Variants in VPS35L observed in about 807,000 individuals in gnomAD.
The protein encoded by VPS35L is VPS35 endosomal protein-sorting factor-like.
VPS35L carries 83 observed loss-of-function variants against 133.0 expected under a neutral mutation model. That is an observed-to-expected ratio of 0.62 (90% confidence interval 0.52 to 0.75). VPS35L has a LOEUF of 0.75. VPS35L is among the 30% of genes least tolerant of loss of function. The pLI is 0.00. For missense variants in VPS35L, 1,083 were observed against 1,206.8 expected (o/e 0.90, Z 1.52); for synonymous variants, 423 against 449.9 (o/e 0.94, Z 0.76).
chr16:19,571,986 T>A (rs2151508953), intron 3 of VPS35L, among the ~76,000 whole-genome samples: 1 of 152,302 alleles, frequency 6.6e-6, no homozygotes, highest in Non-Finnish European at 1.5e-5. Context: ...ATTCCTCTAC[T>A]GATGTATCCA....
chr16:19,679,614 C>G (rs1975196472), intron 27 of VPS35L, among the ~76,000 whole-genome samples: 1 of 151,712 alleles, frequency 6.6e-6, no homozygotes, highest in Admixed American at 6.6e-5. Context: ...AAGCAATTCT[C>G]CTGCCTCAGC....
At chr16:19,673,548 T>G (rs1415205787) in intron 27 of VPS35L, among the ~76,000 whole-genome samples, 1 of 149,856 alleles carries the variant, frequency 6.7e-6, no homozygotes, top group Non-Finnish European at 1.5e-5. Context: ...CAGATTTGAG[T>G]TATTTATTCC....
At chr16:19,646,261 T>C (rs1973945446) in intron 23 of VPS35L, among the ~76,000 whole-genome samples, 1 of 152,188 alleles carries the variant, frequency 6.6e-6, no homozygotes, top group African/African-American at 2.4e-5. Context: ...CCATGTCCTC[T>C]CTTTCTCACC....
intron 29 of VPS35L, among the ~76,000 whole-genome samples, chr16:19,697,128 CTT>C (rs1438389663): frequency 6.6e-6 from 1 of 152,190 alleles, no homozygotes; most frequent in Non-Finnish European, 1.5e-5. Flanking sequence ...TGCCAAAGCG[CTT>C]TTCTCTTGTA....
In VPS35L at chr16:19,686,319, C is replaced by T. The variant is rs1231344625; in HGVS notation, c.2527+3929C>T. ...TGGAGGATGCCTTGGCCACTTTCTT[C>T]CCAGATTAAGAAAAAGAGAAGGCTC... On this transcript the variant is annotated intron_variant, in intron 28 of 30. Coordinates refer to ENST00000417362, the MANE Select transcript of VPS35L (RefSeq NM_020314.7). 2.6e-5 allele frequency among the ~76,000 whole-genome samples: 4 copies of T among 152,136 alleles called. No individual in the cohort carries two copies. The South Asian group carries it at 6.2e-4, about 24-fold the overall frequency.
At chr16:19,651,922 T>A in intron 25 of VPS35L, 54 bp from the exon 26 acceptor site, 1 of 1,245,772 alleles carries the variant, frequency 8.0e-7, no homozygotes, top group Non-Finnish European at 1.2e-6. Flanking sequence ...AAAACAGGAG[T>A]ATGATTCTGC....
chr16:19,642,427 A>G lies in VPS35L; in HGVS notation c.1816A>G (p.Ile606Val), dbSNP rs557240840. The stretch of plus-strand genomic sequence containing the variant: ...ACAAGAGCCCACCAAGGACCCGGTC[A>G]TCTTGAATGCCCTTTTGCATGTTTG... ...HQQEPTKDPV[I>V]LNALLHVCKT... Residue 606 changes from isoleucine (I) to valine (V), a missense_variant, in exon 22 of 31, where the codon ATC becomes GTC. Ile to Val is a conservative substitution (Grantham distance 29, BLOSUM62 3). Transcript: ENST00000417362. The G allele has an allele frequency of 1.2e-6, 2 of 1,613,994 alleles. No individual in the cohort carries two copies. Among genetic ancestry groups the G allele is most frequent in the Non-Finnish European group, 1.7e-6 (2 of 1,179,880 alleles).
At chr16:19,694,823 T>C (rs1192429289) in intron 29 of VPS35L, among the ~76,000 whole-genome samples, 1 of 152,022 alleles carries the variant, frequency 6.6e-6, no homozygotes, top group East Asian at 1.9e-4. Context: ...CTGGCCAACA[T>C]GGTGAAACCC....
intron 3 of VPS35L, among the ~76,000 whole-genome samples, chr16:19,571,449 A>T (rs226875): frequency 6.6e-6 from 1 of 151,940 alleles, no homozygotes; most frequent in Non-Finnish European, 1.5e-5. Context: ...ACTCCTGGGC[A>T]CAAGCAATCC....
intron 7 of VPS35L, among the ~76,000 whole-genome samples, chr16:19,583,640 T>G (rs1310242688): frequency 6.6e-6 from 1 of 150,938 alleles, no homozygotes; most frequent in East Asian, 1.9e-4. Context: ...GAGAATTGCG[T>G]GAACATGGGA....
At chr16:19,606,022 G>A (rs1367858679) in intron 9 of VPS35L, among the ~76,000 whole-genome samples, 1 of 152,334 alleles carries the variant, frequency 6.6e-6, no homozygotes, top group African/African-American at 2.4e-5. Context: ...AAAGTCCCAC[G>A]TAACATAATC....
chr16:19,591,845 TCCTTATCAC>T lies in VPS35L; in HGVS notation c.697_705del (p.Leu233_Thr235del). ...ATTCAGTTCTACCCAAGCAAATTTG[TCCTTATCAC>T]CGACATACTTGATACATTTGGTAAG... is the stretch of plus-strand genomic sequence containing the variant. On this transcript the variant is annotated inframe_deletion, in exon 8 of 31. Transcript: ENST00000417362. The T allele has an allele frequency of 6.2e-7, 1 of 1,610,738 alleles. No individual in the cohort carries two copies. Among genetic ancestry groups the T allele is most frequent in the Non-Finnish European group, 8.5e-7 (1 of 1,177,046 alleles).
chr16:19,640,910 G>A (rs55806279), intron 21 of VPS35L, among the ~76,000 whole-genome samples: 3,358 of 152,076 alleles, frequency 0.022, 123 homozygotes, highest in African/African-American at 0.075. Flanking sequence ...CTACAACCCA[G>A]CTGATTTTTG....
intron 22 of VPS35L, among the ~76,000 whole-genome samples, chr16:19,643,650 T>C (rs1024103707): frequency 5.9e-5 from 9 of 152,098 alleles, no homozygotes; most frequent in Non-Finnish European, 1.2e-4. Flanking sequence ...AATGTTGTTC[T>C]AAGAACAAAG....
intron 14 of VPS35L, among the ~76,000 whole-genome samples, chr16:19,625,969 C>T (rs545571005): frequency 2.0e-5 from 3 of 152,196 alleles, no homozygotes; most frequent in South Asian, 4.2e-4. Context: ...CCACTGTACC[C>T]GGCCCCCTCC....
intron 28 of VPS35L, among the ~76,000 whole-genome samples, chr16:19,685,650 G>A (rs1193915222): frequency 1.3e-5 from 2 of 152,158 alleles, no homozygotes; most frequent in Admixed American, 6.5e-5. Context: ...CACCAGGCAC[G>A]AATGAGGCTT....
Position 19,692,038 on chromosome 16 carries a change from C to T in VPS35L, c.2646+567C>T, listed in dbSNP as rs143263595. 5.9e-5 allele frequency among the ~76,000 whole-genome samples: 9 copies of T among 152,242 alleles called. No homozygotes were observed. In the East Asian group the frequency reaches 1.7e-3, roughly 29 times the overall value. ...TACAGGTGCCCGCCACCACACCTGG[C>T]TTATTTTTTGTATTTTTTTAGTAGA... On this transcript the variant is annotated intron_variant, in intron 29 of 30. Coordinates refer to ENST00000417362, the MANE Select transcript of VPS35L (RefSeq NM_020314.7).
At chr16:19,561,721 G>A (rs1971034780) in intron 1 of VPS35L, among the ~76,000 whole-genome samples, 1 of 152,170 alleles carries the variant, frequency 6.6e-6, no homozygotes, top group African/African-American at 2.4e-5. Context: ...AAGTGGGTTG[G>A]GAGGGACAAG....
intron 2 of VPS35L, 24 bp downstream of exon 2, chr16:19,564,974 T>A (rs759610640): frequency 4.7e-6 from 7 of 1,502,418 alleles, no homozygotes; most frequent in Non-Finnish European, 5.6e-6. Flanking sequence ...AGGGTCTTTC[T>A]GAATGATATT....
Sources: gnomAD v4.1 joint callset for allele counts (sites outside exome capture counted in the v4.1 genomes callset) on GRCh38, gnomAD v4.1.1 for gene constraint, MANE v1.5 for transcripts, NCBI Gene and HGNC (gene_info 2026-07-23, HGNC 2026-07-21) for gene names.